Variants in AKAP9 observed in about 807,000 individuals in gnomAD.
AKAP9 encodes A-kinase anchoring protein 9, also known as A-kinase anchor protein 9.
AKAP9 carries 311 observed loss-of-function variants against 488.5 expected under a neutral mutation model. That is an observed-to-expected ratio of 0.64 (90% CI 0.58 to 0.70). AKAP9 has a LOEUF of 0.70. AKAP9 is among the 30% of genes least tolerant of loss of function. The pLI is 0.00. For synonymous variants in AKAP9, 1,462 were observed against 1,483.5 expected (o/e 0.99, Z 0.33); for missense variants, 4,215 against 4,374.5 (o/e 0.96, Z 1.03).
At chr7:92,019,786 T>C (rs951428138) in intron 12 of AKAP9, among the ~76,000 whole-genome samples, 1 of 151,858 alleles carries the variant, frequency 6.6e-6, no homozygotes, top group Non-Finnish European at 1.5e-5. Flanking sequence ...GGTGGGCCGA[T>C]CACCTGAGGT....
chr7:91,988,385 C>A (rs1390379761), intron 3 of AKAP9, among the ~76,000 whole-genome samples: 1 of 150,234 alleles, frequency 6.7e-6, no homozygotes, highest in African/African-American at 2.5e-5. Flanking sequence ...TAGGAGGATC[C>A]CATGCACCCA....
At chr7:92,061,584 CTATATATATATATATATATATATATA>C (rs71528033) in intron 23 of AKAP9, among the ~76,000 whole-genome samples, 162 bp downstream of exon 23, 3 of 102,472 alleles carry the variant, frequency 2.9e-5, no homozygotes, top group Admixed American at 1.1e-4. Context: ...ATTTTTAAAA[CTATATATATATATATATATATATATA>C]TATATATATA....
rs747839311 is a variant in AKAP9, at chr7:92,040,653, T to G, written c.4693-21T>G. 2.6e-5 allele frequency: 38 copies of G among 1,467,456 alleles called. 1 individual carries two copies. Among genetic ancestry groups the G allele is most frequent in the East Asian group, 1.2e-4 (5 of 40,762 alleles). 90.9% of individuals were successfully genotyped at this position (1,467,456 alleles called of 1,614,324 possible). ...ATGTGTTATGGTTGAATTGTTTTTT[T>G]TTTTTTTTTTACTATTAAAGATTCA... is the stretch of plus-strand genomic sequence containing the variant. On this transcript the variant is annotated intron_variant, in intron 17 of 49. Coordinates refer to ENST00000356239, the MANE Select transcript of AKAP9 (RefSeq NM_005751.5).
intron 1 of AKAP9, among the ~76,000 whole-genome samples, chr7:91,965,650 A>G (rs1794350129): frequency 6.6e-6 from 1 of 152,204 alleles, no homozygotes; most frequent in East Asian, 1.9e-4. Context: ...TTCTGTTAAC[A>G]GTATACAAGG....
At chr7:91,956,552 G>T (rs536792754) in intron 1 of AKAP9, among the ~76,000 whole-genome samples, 1 of 152,254 alleles carries the variant, frequency 6.6e-6, no homozygotes, top group South Asian at 2.1e-4. Context: ...GTATCTTGGT[G>T]CTTTCTATTA....
At chr7:92,034,743 C>T (rs961398306) in intron 16 of AKAP9, among the ~76,000 whole-genome samples, 6 of 151,434 alleles carry the variant, frequency 4.0e-5, no homozygotes, top group Non-Finnish European at 7.4e-5. Flanking sequence ...AAGTGATCCA[C>T]CCACCTCGGC....
chr7:92,063,840 GTC>G (rs1337261109), intron 24 of AKAP9, among the ~76,000 whole-genome samples: 4 of 152,096 alleles, frequency 2.6e-5, no homozygotes, highest in African/African-American at 7.2e-5. Context: ...GAGTGCAGTG[GTC>G]TGATCTCGGC....
chr7:92,085,650 T>C lies in AKAP9; in HGVS notation c.8988T>C (p.Asp2996=), dbSNP rs1584489885. The change falls in exon 36 of 50, where the codon GAT becomes GAC. Residue 2996 remains aspartate (D), a synonymous_variant. Coordinates refer to ENST00000356239, the MANE Select transcript of AKAP9 (RefSeq NM_005751.5). ...AYINTISSLK[D]LITKMQLQRE... ...TCAATACAATCTCATCTCTAAAGGA[T>C]TTAATTACAAAGATGCAACTGCAAA... 1.2e-6 allele frequency: 2 copies of C among 1,613,562 alleles called. No individual in the cohort carries two copies. Among genetic ancestry groups the C allele is most frequent in the South Asian group, 1.1e-5 (1 of 91,008 alleles).
chr7:91,954,967 A>G (rs2282970), intron 1 of AKAP9, among the ~76,000 whole-genome samples: 68,364 of 152,094 alleles, frequency 0.45, 16,463 homozygotes, highest in African/African-American at 0.63. Context: ...AACATGTTTA[A>G]TAGGTTGATT....
intron 14 of AKAP9, among the ~76,000 whole-genome samples, chr7:92,028,370 A>G (rs1363695152): frequency 1.3e-5 from 2 of 151,934 alleles, no homozygotes; most frequent in Admixed American, 1.3e-4. Flanking sequence ...AGTTTAGATC[A>G]TAATGACCGG....
chr7:91,943,396 G>C (rs544202917), intron 1 of AKAP9, among the ~76,000 whole-genome samples: 1 of 152,306 alleles, frequency 6.6e-6, no homozygotes, highest in Non-Finnish European at 1.5e-5. Context: ...GTATAAACGT[G>C]TGCTTTCAGA....
intron 49 of AKAP9, 98 bp downstream of exon 49, chr7:92,108,731 C>A (rs971987765): frequency 2.8e-5 from 41 of 1,462,016 alleles, no homozygotes; most frequent in African/African-American, 5.6e-5. Flanking sequence ...ATAATCAAAG[C>A]TTCCAGTTTA....
chr7:92,080,080 A>G lies in AKAP9; in HGVS notation c.7947A>G (p.Leu2649=). The G allele has an allele frequency of 6.3e-7, 1 of 1,584,934 alleles. No individual in the cohort carries two copies. The highest frequency in any genetic ancestry group is 1.2e-5 in the South Asian group (1 of 85,772). ...AGAAGCTGCTAGAACTACAGAAGCT[A>G]TTGGAGGGCAATGAGAAAAAACAGA... ...KEKKLLELQK[L]LEGNEKKQRE... Residue 2649 remains leucine, a synonymous_variant, in exon 31 of 50, where the codon CTA becomes CTG. Coordinates refer to ENST00000356239, the MANE Select transcript of AKAP9 (RefSeq NM_005751.5).
rs184763060 is a variant in AKAP9 at position 91,956,590 on chromosome 7, G to T, written c.48+15443G>T. 5.3e-4 allele frequency among the ~76,000 whole-genome samples: 80 copies of T among 152,204 alleles called. 1 individual carries two copies. Among genetic ancestry groups the T allele is most frequent in the Admixed American group, 3.1e-3 (48 of 15,286 alleles). The stretch of plus-strand genomic sequence containing the variant: ...CTGATAGAGTTTTAGAACCTAAGGA[G>T]TATGCATTGTACTTCAGCGCTTTTT... On this transcript the variant is annotated intron_variant, in intron 1 of 49. Transcript: ENST00000356239.
At chr7:91,970,638 A>G (rs1584634344) in intron 1 of AKAP9, 1 of 375,130 alleles carries the variant, frequency 2.7e-6, no homozygotes, top group Non-Finnish European at 5.1e-6. Flanking sequence ...CAGCACTTTG[A>G]ACATGTTGTC....
intron 7 of AKAP9, among the ~76,000 whole-genome samples, 180 bp from the exon 8 acceptor site, chr7:92,000,668 G>T (rs1415088916): frequency 1.3e-5 from 2 of 152,146 alleles, no homozygotes; most frequent in Non-Finnish European, 2.9e-5. Flanking sequence ...AAGTAGTGTT[G>T]GTTACACGAG....
At position 92,002,810 on chromosome 7, in the gene AKAP9, C is replaced by G. The variant is rs1799332324; in HGVS notation, c.2893C>G (p.Gln965Glu). Residue 965 changes from glutamine (Q) to glutamate (E), a missense_variant, in exon 8 of 50, where the codon CAA becomes GAA. Gln to Glu is a conservative substitution (Grantham distance 29, BLOSUM62 2). Transcript: ENST00000356239. ...ACAGAGACTGTCTGATCTTTCTGAA[C>G]AATTGAAACAGAAACATGGTGAGAT... ...LSQRLSDLSEQLKQKHGEISF... is the reference protein window; with the variant it reads ...LSQRLSDLSEELKQKHGEISF... 4 of 1,613,418 alleles carry G rather than the reference C, an allele frequency of 2.5e-6. No individual in the cohort carries two copies. The highest frequency in any genetic ancestry group is 2.2e-5 in the East Asian group (1 of 44,854).
At chr7:92,102,177 AT>A (rs1817640083) in intron 45 of AKAP9, among the ~76,000 whole-genome samples, 1 of 138,318 alleles carries the variant, frequency 7.2e-6, no homozygotes, top group Non-Finnish European at 1.5e-5. Context: ...AAAAAAATAA[AT>A]AAATAAATAA....
chr7:92,088,029 C>T (rs908422741), intron 37 of AKAP9, among the ~76,000 whole-genome samples: 5 of 151,928 alleles, frequency 3.3e-5, no homozygotes, highest in African/African-American at 4.8e-5. Flanking sequence ...GGCAATAGTT[C>T]GCAACAGATG....
Sources: gnomAD v4.1 joint callset for allele counts (sites outside exome capture counted in the v4.1 genomes callset) on GRCh38, gnomAD v4.1.1 for gene constraint, MANE v1.5 for transcripts, NCBI Gene and HGNC (gene_info 2026-07-23, HGNC 2026-07-21) for gene names.